Variants in CLNK observed in about 807,000 individuals in gnomAD.
CLNK encodes the protein cytokine dependent hematopoietic cell linker.
CLNK carries 74 observed loss-of-function variants against 68.6 expected under a neutral mutation model. That is an observed-to-expected ratio of 1.08 (90% CI 0.89 to 1.31). CLNK has a LOEUF of 1.31. Among genes scored for constraint, CLNK ranks in the 50% most tolerant of loss-of-function variants. CLNK has a pLI of 0.00. For missense variants in CLNK, 553 were observed against 515.3 expected, an observed-to-expected ratio of 1.07 and a Z score of -0.71; for synonymous variants, 198 against 172.2, an observed-to-expected ratio of 1.15 and a Z score of -1.17.
intron 4 of CLNK, among the ~76,000 whole-genome samples, chr4:10,583,782 C>T (rs1461830926): frequency 6.6e-6 from 1 of 152,150 alleles, no homozygotes; most frequent in Non-Finnish European, 1.5e-5. Flanking sequence ...CCCATCTGCC[C>T]ATTTCTCTGT....
chr4:10,692,812 A>G, the CLNK span, among the ~76,000 whole-genome samples: 1 of 152,218 alleles, frequency 6.6e-6, no homozygotes, highest in Non-Finnish European at 1.5e-5. Context: ...CCCAGCACCT[A>G]CAAGAGCACT....
chr4:10,497,808 C>T lies in CLNK; in HGVS notation c.1140+3448G>A, dbSNP rs187000848. On this transcript the variant is annotated intron_variant, in intron 18 of 18. Transcript: ENST00000226951. The stretch of plus-strand genomic sequence containing the variant: ...TGAGAGCAAATTAAACAGCATTTGG[C>T]CCAAGGCCCTGGCACATGCAAAGGC... Among the ~76,000 whole-genome samples the T allele has an allele frequency of 2.0e-5, 3 of 152,370 alleles. No individual in the cohort carries two copies. In the East Asian group the frequency reaches 5.8e-4, roughly 29 times the overall value.
chr4:10,582,773 G>T (rs986826183), intron 4 of CLNK, among the ~76,000 whole-genome samples: 8 of 152,092 alleles, frequency 5.3e-5, no homozygotes, highest in African/African-American at 1.7e-4. Flanking sequence ...ATGCAAAAAA[G>T]AAGGAAATAA....
At chr4:10,512,026 A>G (rs1297222305) in intron 16 of CLNK, among the ~76,000 whole-genome samples, 1 of 152,204 alleles carries the variant, frequency 6.6e-6, no homozygotes, top group African/African-American at 2.4e-5. Context: ...GCCACAAATC[A>G]TAAAGGTATA....
chr4:10,546,289 T>C (rs984752504), intron 8 of CLNK, among the ~76,000 whole-genome samples: 1 of 152,350 alleles, frequency 6.6e-6, no homozygotes, highest in African/African-American at 2.4e-5. Flanking sequence ...AATATCAATG[T>C]AAGTTGCCAA....
intron 2 of CLNK, among the ~76,000 whole-genome samples, chr4:10,640,105 T>C (rs985527726): frequency 6.6e-6 from 1 of 152,174 alleles, no homozygotes; most frequent in Non-Finnish European, 1.5e-5. Flanking sequence ...CTGAAGCCTC[T>C]GCCAAAGAGG....
chr4:10,722,713 A>C, the CLNK span, among the ~76,000 whole-genome samples: 2 of 152,340 alleles, frequency 1.3e-5, no homozygotes, highest in Non-Finnish European at 2.9e-5. Context: ...GGGCCCAAGC[A>C]AACAGCTCAA....
At chr4:10,652,742 G>A (rs1002319310) in intron 2 of CLNK, among the ~76,000 whole-genome samples, 2 of 152,152 alleles carry the variant, frequency 1.3e-5, no homozygotes, top group Non-Finnish European at 2.9e-5. Context: ...TGTTTTTAAT[G>A]CCTGGTCTTT....
chr4:10,566,025 C>T lies in CLNK; in HGVS notation c.276G>A (p.Lys92=), dbSNP rs1560219116. Residue 92 remains lysine (K), a synonymous_variant, in exon 6 of 19, where the codon AAG becomes AAA. Transcript: ENST00000226951. ...SIKILPARPI[K]ESEYADTHYF... ...AAACGTTACCTGCATATTCAGATTC[C>T]TTTATAGGCCGGGCTGGTAAAATTT... 6.2e-7 allele frequency: 1 copy of T among 1,613,790 alleles called. No homozygotes were observed. Among genetic ancestry groups the T allele is most frequent in the Non-Finnish European group, 8.5e-7 (1 of 1,179,786 alleles).
chr4:10,589,711 G>A (rs1721116226), intron 3 of CLNK, among the ~76,000 whole-genome samples: 2 of 152,168 alleles, frequency 1.3e-5, no homozygotes, highest in African/African-American at 2.4e-5. Context: ...ATGGATTGTG[G>A]ACATTGTCTT....
At chr4:10,543,171 A>G (rs1367435275) in intron 8 of CLNK, among the ~76,000 whole-genome samples, 1 of 152,206 alleles carries the variant, frequency 6.6e-6, no homozygotes, top group African/African-American at 2.4e-5. Flanking sequence ...TGAAGGCATC[A>G]TGAACAATCT....
chr4:10,700,345 G>A, the CLNK span, among the ~76,000 whole-genome samples: 123,557 of 152,046 alleles, frequency 0.81, 50,906 homozygotes, highest in Non-Finnish European at 0.88. Flanking sequence ...CAGGAGGAAC[G>A]TGAACCTTGG....
rs560143501 is a variant in CLNK at position 10,683,919 on chromosome 4, C to G, written c.-43+749G>C. 2.0e-5 allele frequency among the ~76,000 whole-genome samples: 3 copies of G among 152,168 alleles called. No homozygotes were observed. In the South Asian group the frequency reaches 6.2e-4, roughly 32 times the overall value. On this transcript the variant is annotated intron_variant, in intron 1 of 18. Coordinates refer to ENST00000226951, the MANE Select transcript of CLNK (RefSeq NM_052964.4). ...CAAGTAATACTCATAACAGAGAAGC[C>G]AAATGAGTAACACTGGTGTAAAGTA... is the stretch of plus-strand genomic sequence containing the variant.
chr4:10,491,885 T>C (rs1716589822), intron 18 of CLNK, among the ~76,000 whole-genome samples: 1 of 152,154 alleles, frequency 6.6e-6, no homozygotes, highest in East Asian at 1.9e-4. Flanking sequence ...TAATATACAT[T>C]GTATGTACCC....
At chr4:10,611,725 C>A (rs1256514331) in intron 2 of CLNK, among the ~76,000 whole-genome samples, 2 of 152,182 alleles carry the variant, frequency 1.3e-5, no homozygotes, top group Admixed American at 1.3e-4. Flanking sequence ...TGATGTGCTG[C>A]TCCTGGGGGT....
intron 2 of CLNK, among the ~76,000 whole-genome samples, chr4:10,631,300 C>A (rs1354478705): frequency 6.6e-6 from 1 of 152,192 alleles, no homozygotes. Context: ...ACTCCAGCTG[C>A]CTTCTGCGGG....
At position 10,513,473 on chromosome 4, in the gene CLNK, A is replaced by C; in HGVS notation, c.897T>G (p.Ser299=). 1.2e-6 allele frequency: 2 copies of C among 1,611,556 alleles called. No homozygotes were observed. The highest frequency in any genetic ancestry group is 1.7e-6 in the Non-Finnish European group (2 of 1,178,870). Residue 299 remains serine (S), a synonymous_variant, in exon 16 of 19, where the codon TCT becomes TCG. Transcript: ENST00000226951. ...TSWRPPFPKR[S]DRKDVQHNEW... is the part of the protein sequence containing the mutation. ...AGAAGTGTCTGCTTACCTTTCTATC[A>C]GACCTTTTGGGGAAAGGTGGTCTCC...
intron 2 of CLNK, among the ~76,000 whole-genome samples, chr4:10,610,078 A>T: frequency 1.1e-5 from 1 of 87,152 alleles, no homozygotes; most frequent in African/African-American, 4.9e-5. Context: ...TTTTTTTGAG[A>T]CGGAGTCTCG....
intron 2 of CLNK, among the ~76,000 whole-genome samples, chr4:10,644,395 C>T (rs1218290624): frequency 1.3e-5 from 2 of 152,218 alleles, no homozygotes; most frequent in Non-Finnish European, 2.9e-5. Context: ...CATGTATGGA[C>T]TTGGTTAAAC....
Sources: allele counts gnomAD v4.1 joint callset (sites outside exome capture counted in the v4.1 genomes callset), GRCh38; gene constraint gnomAD v4.1.1; transcripts MANE v1.5; gene names NCBI Gene and HGNC (gene_info 2026-07-23, HGNC 2026-07-21).